The following PLGRKT variants were observed in gnomAD, a reference collection of about 807,000 sequenced individuals.
PLGRKT encodes the protein plasminogen receptor with a C-terminal lysine.
In PLGRKT, 22 loss-of-function variants were observed where a neutral mutation model predicts 18.5. The ratio of observed to expected loss-of-function variants is 1.19; its 90% CI spans 0.85 to 1.70. The LOEUF is 1.70. Among genes scored for constraint, PLGRKT ranks in the 40% most tolerant of loss-of-function variants. The pLI is 0.00. For missense variants in PLGRKT, 235 were observed against 174.4 expected (o/e 1.35, Z -1.96); for synonymous variants, 72 against 52.8 (o/e 1.36, Z -1.58).
intron 4 of PLGRKT, 85 bp downstream of exon 4, chr9:5,361,673 A>C (rs1331095818): frequency 7.4e-7 from 1 of 1,348,438 alleles, no homozygotes; most frequent in Non-Finnish European, 1.0e-6. Flanking sequence ...CCAAAGTCTT[A>C]TTCTGGCCAA....
In PLGRKT at chr9:5,410,817, C is replaced by T. The variant is rs150565449; in HGVS notation, c.81+21080G>A. 5.1e-3 allele frequency among the ~76,000 whole-genome samples: 771 copies of T among 152,110 alleles called. 6 individuals are homozygous for T. Among genetic ancestry groups the T allele is most frequent in the African/African-American group, 0.017 (724 of 41,516 alleles). The stretch of plus-strand genomic sequence containing the variant: ...AAATGGCATCAGTATATCAAATAAG[C>T]GTTTACAAATGAACAATAAAATTTT... On this transcript the variant is annotated intron_variant, in intron 3 of 5. Coordinates refer to ENST00000223864, the MANE Select transcript of PLGRKT (RefSeq NM_018465.4).
chr9:5,428,675 C>G (rs1818748647), intron 3 of PLGRKT, among the ~76,000 whole-genome samples: 2 of 152,100 alleles, frequency 1.3e-5, no homozygotes, highest in Admixed American at 1.3e-4. Flanking sequence ...ATGTTAAACT[C>G]TTTTGTCTCT....
intron 3 of PLGRKT, among the ~76,000 whole-genome samples, chr9:5,424,444 ATT>A (rs1300531521): frequency 6.7e-5 from 7 of 104,646 alleles, no homozygotes; most frequent in Admixed American, 3.2e-4. Flanking sequence ...TATAAAATAT[ATT>A]ATATATTATA....
At chr9:5,372,671 G>A (rs1199180593) in intron 3 of PLGRKT, among the ~76,000 whole-genome samples, 4 of 152,174 alleles carry the variant, frequency 2.6e-5, no homozygotes, top group Admixed American at 6.5e-5. Context: ...AAGAGCTAAT[G>A]TCGTCTCGAA....
intron 3 of PLGRKT, among the ~76,000 whole-genome samples, chr9:5,424,696 ACAG>A (rs1818660834): frequency 5.3e-5 from 4 of 75,394 alleles, no homozygotes; most frequent in Non-Finnish European, 1.2e-4. Flanking sequence ...ATATATACAC[ACAG>A]GGGGGGGAGA....
At chr9:5,417,430 G>GA (rs1355327293) in intron 3 of PLGRKT, among the ~76,000 whole-genome samples, 3 of 151,152 alleles carry the variant, frequency 2.0e-5, no homozygotes, top group Admixed American at 6.6e-5. Flanking sequence ...AAAACTTTTA[G>GA]AAAAAAAACA....
At chr9:5,416,959 CAT>C (rs1457741497) in intron 3 of PLGRKT, among the ~76,000 whole-genome samples, 1 of 152,202 alleles carries the variant, frequency 6.6e-6, no homozygotes, top group Non-Finnish European at 1.5e-5. Flanking sequence ...TGACTGCAGA[CAT>C]ATTAATATCT....
chr9:5,375,072 T>G (rs374319719), intron 3 of PLGRKT, among the ~76,000 whole-genome samples: 1 of 152,258 alleles, frequency 6.6e-6, no homozygotes, highest in South Asian at 2.1e-4. Context: ...TAGCCACAGA[T>G]AAGGAATGAG....
chr9:5,434,891 G>A (rs1210966225), intron 2 of PLGRKT, among the ~76,000 whole-genome samples: 1 of 151,998 alleles, frequency 6.6e-6, no homozygotes, highest in East Asian at 1.9e-4. Flanking sequence ...GGGAAATGTG[G>A]GGAAAAGAAA....
In PLGRKT at chr9:5,418,736, G is replaced by A. The variant is rs754367609; in HGVS notation, c.81+13161C>T. On this transcript the variant is annotated intron_variant, in intron 3 of 5. Transcript: ENST00000223864. This position sits in a 1 kb window ranked among gnomAD's most constrained non-coding sequence, Gnocchi z 4.2. ...ACCGGCATGTGCTCCGAAGCGTGTG[G>A]AATGGTGATGACAGCCAGGACCTCG... 186 of 679,144 alleles carry A rather than the reference G, an allele frequency of 2.7e-4. No individual in the cohort carries two copies. The highest frequency in any genetic ancestry group is 3.9e-4 in the Non-Finnish European group (145 of 370,514). 42.1% of individuals were successfully genotyped at this position (679,144 alleles called of 1,614,324 possible).
intron 3 of PLGRKT, among the ~76,000 whole-genome samples, chr9:5,373,458 G>A (rs1474633095): frequency 2.0e-5 from 3 of 152,160 alleles, no homozygotes; most frequent in South Asian, 2.1e-4. Context: ...GTGGGTCTGG[G>A]GCTCTGAACC....
At chr9:5,396,698 A>G (rs1030555158) in intron 3 of PLGRKT, among the ~76,000 whole-genome samples, 14 of 151,960 alleles carry the variant, frequency 9.2e-5, no homozygotes, top group African/African-American at 3.2e-4. Context: ...AATAATAAAT[A>G]AAGACATTTT....
intron 2 of PLGRKT, among the ~76,000 whole-genome samples, chr9:5,434,071 T>TTTGGGAGGTGAGGGGCGTCTCTGC (rs1818902002): frequency 7.4e-6 from 1 of 134,518 alleles, no homozygotes. Flanking sequence ...GGCCGCCCCA[T>TTTGGGAGGTGAGGGGCGTCTCTGC]CTGGGAAGTG....
intron 3 of PLGRKT, among the ~76,000 whole-genome samples, chr9:5,393,575 T>C (rs1586722323): frequency 6.6e-6 from 1 of 151,874 alleles, no homozygotes; most frequent in Non-Finnish European, 1.5e-5. Context: ...TCAAAGAGAA[T>C]CACAGAACAA....
intron 3 of PLGRKT, among the ~76,000 whole-genome samples, chr9:5,380,982 C>T (rs1483747814): frequency 1.3e-5 from 2 of 152,184 alleles, no homozygotes; most frequent in African/African-American, 4.8e-5. Context: ...AAGTGTGGCA[C>T]TTCCCCCTTT....
At chr9:5,394,531 G>A (rs1395334421) in intron 3 of PLGRKT, among the ~76,000 whole-genome samples, 1 of 151,778 alleles carries the variant, frequency 6.6e-6, no homozygotes, top group African/African-American at 2.4e-5. Context: ...TCCTGCCTCA[G>A]CCTCCCGAGT....
chr9:5,435,741 T>G (rs555463810), intron 2 of PLGRKT, among the ~76,000 whole-genome samples: 3 of 152,368 alleles, frequency 2.0e-5, no homozygotes, highest in Admixed American at 2.0e-4. Flanking sequence ...ACAACTGCTC[T>G]ACCCTTCTCA....
intron 3 of PLGRKT, among the ~76,000 whole-genome samples, chr9:5,375,085 G>A (rs1817602338): frequency 6.6e-6 from 1 of 152,220 alleles, no homozygotes; most frequent in Non-Finnish European, 1.5e-5. Flanking sequence ...GGAATGAGAG[G>A]TCAACTTCAG....
At chr9:5,397,797 T>C (rs535853359) in intron 3 of PLGRKT, among the ~76,000 whole-genome samples, 6 of 151,954 alleles carry the variant, frequency 3.9e-5, no homozygotes, top group African/African-American at 1.5e-4. Context: ...ACAGGGAGCA[T>C]TGGCTGCCCT....
Sources: gnomAD v4.1 joint callset for allele counts (sites outside exome capture counted in the v4.1 genomes callset) on GRCh38, gnomAD v4.1.1 for gene constraint, Gnocchi (gnomAD v3.1) non-coding constraint, MANE v1.5 for transcripts, NCBI Gene and HGNC (gene_info 2026-07-23, HGNC 2026-07-21) for gene names.